SLC22A15: variants seen among roughly 807,000 people sequenced by gnomAD.
SLC22A15 encodes solute carrier family 22 member 15.
Under a neutral mutation model 62.7 loss-of-function variants are expected in SLC22A15, and 45 were observed. That is an observed-to-expected ratio of 0.72 (90% CI 0.56 to 0.92). The LOEUF (loss-of-function observed/expected upper bound fraction) is 0.92, where lower values mean the gene tolerates loss of function less well. SLC22A15 is among the 40% of genes least tolerant of loss of function. The probability of loss-of-function intolerance (pLI) is 0.00; values close to 1 mark genes in which losing one functional copy is unlikely to be tolerated. For synonymous variants in SLC22A15, 264 were observed against 267.0 expected (o/e 0.99, Z 0.11); for missense variants, 622 against 665.6 (o/e 0.93, Z 0.72).
chr1:116,003,161 A>G (rs1570712736), intron 2 of SLC22A15, among the ~76,000 whole-genome samples: 1 of 151,978 alleles, frequency 6.6e-6, no homozygotes, highest in East Asian at 2.0e-4. Flanking sequence ...GTTATGGCCT[A>G]GAATGGGTGC....
intron 5 of SLC22A15, among the ~76,000 whole-genome samples, chr1:116,029,109 A>G (rs781396082): frequency 2.6e-5 from 4 of 152,230 alleles, no homozygotes; most frequent in Non-Finnish European, 5.9e-5. Context: ...GTTTCCACAC[A>G]GTAGATCCTT....
At position 116,027,393 on chromosome 1, in the gene SLC22A15, T is replaced by C. The variant is rs114786262; in HGVS notation, c.728+371T>C. The C allele has an allele frequency of 9.3e-3, 4,789 of 516,056 alleles. 180 individuals are homozygous for C. The highest frequency in any genetic ancestry group is 0.084 in the African/African-American group (4,346 of 52,044). The allele number at this position is 516,056 out of a possible 1,614,324, so 32.0% of individuals were successfully genotyped here. A position where few individuals can be genotyped will look rare whatever the true frequency, so the allele number is the denominator to read the frequency against. On this transcript the variant is annotated intron_variant, in intron 5 of 11. Coordinates refer to ENST00000369503, the MANE Select transcript of SLC22A15 (RefSeq NM_018420.3). ...GATTTTGTAGAACAGTGTATTCATA[T>C]TGGATATGTAGTGACAACTGTTCAT... is the stretch of plus-strand genomic sequence containing the variant.
intron 4 of SLC22A15, among the ~76,000 whole-genome samples, chr1:116,025,939 G>T (rs1346883390): frequency 6.6e-6 from 1 of 152,134 alleles, no homozygotes; most frequent in African/African-American, 2.4e-5. Context: ...AAAGCGTAAG[G>T]TTCTTTACAA....
At chr1:115,999,297 T>A (rs1655590458) in intron 2 of SLC22A15, among the ~76,000 whole-genome samples, 1 of 152,218 alleles carries the variant, frequency 6.6e-6, no homozygotes, top group African/African-American at 2.4e-5. Context: ...TTATTTGATC[T>A]ATAATGCAGG....
intron 2 of SLC22A15, chr1:116,017,618 C>G (rs922806767): frequency 6.6e-6 from 1 of 152,138 alleles, no homozygotes; most frequent in African/African-American, 2.4e-5. Flanking sequence ...TCCAGTCTTA[C>G]AAGACTAGGA....
intron 2 of SLC22A15, among the ~76,000 whole-genome samples, chr1:115,997,745 T>G (rs1308901344): frequency 1.3e-5 from 2 of 151,996 alleles, no homozygotes; most frequent in African/African-American, 4.8e-5. Flanking sequence ...CAAACAAGGG[T>G]AATTTGACTT....
intron 1 of SLC22A15, among the ~76,000 whole-genome samples, chr1:115,988,484 T>C (rs192894197): frequency 6.6e-6 from 1 of 152,266 alleles, no homozygotes; most frequent in Admixed American, 6.5e-5. Flanking sequence ...ATCTTTGACT[T>C]TCTATGACCA....
intron 2 of SLC22A15, among the ~76,000 whole-genome samples, chr1:116,001,219 T>C (rs1422119751): frequency 6.6e-6 from 1 of 152,158 alleles, no homozygotes; most frequent in Admixed American, 6.5e-5. Context: ...CTCCTTTATA[T>C]GTAATTTTTT....
intron 7 of SLC22A15, among the ~76,000 whole-genome samples, chr1:116,036,384 T>G (rs1657628857): frequency 6.6e-6 from 1 of 152,124 alleles, no homozygotes; most frequent in Non-Finnish European, 1.5e-5. Flanking sequence ...TGAAAGGCCT[T>G]CCATATTGAC....
chr1:116,062,992 G>A (rs921795569), intron 9 of SLC22A15, 110 bp downstream of exon 9: 17 of 1,401,774 alleles, frequency 1.2e-5, no homozygotes, highest in Non-Finnish European at 1.5e-5. Flanking sequence ...TTAGTTTGGG[G>A]CAGCAGTAAT....
intron 4 of SLC22A15, among the ~76,000 whole-genome samples, chr1:116,022,675 A>T (rs2101347144): frequency 6.6e-6 from 1 of 152,332 alleles, no homozygotes; most frequent in South Asian, 2.1e-4. Context: ...CAGTGAAAAG[A>T]GTCCCCTTGG....
rs555177365 is a variant in SLC22A15 at position 116,056,623 on chromosome 1, G to C, written c.1172-6139G>C. ...GTCAATCCTAAGCCAAAAGAACAAAGCTGGAGGCATCACGCTACCTGACTT... is the reference window on the plus strand; with the variant it reads ...GTCAATCCTAAGCCAAAAGAACAAACCTGGAGGCATCACGCTACCTGACTT... On this transcript the variant is annotated intron_variant, in intron 8 of 11. Coordinates refer to ENST00000369503, the MANE Select transcript of SLC22A15 (RefSeq NM_018420.3). Among the ~76,000 whole-genome samples, 98 of 151,776 alleles carry C rather than the reference G, an allele frequency of 6.5e-4. 1 individual carries two copies. The highest frequency in any genetic ancestry group is 1.1e-3 in the Admixed American group (17 of 15,254).
intron 2 of SLC22A15, among the ~76,000 whole-genome samples, chr1:116,007,921 T>C (rs1656062626): frequency 6.6e-6 from 1 of 152,230 alleles, no homozygotes; most frequent in Admixed American, 6.5e-5. Context: ...TACTTTGCTG[T>C]TGTCATTGCA....
intron 8 of SLC22A15, among the ~76,000 whole-genome samples, chr1:116,051,778 C>G (rs1254774915): frequency 2.6e-5 from 4 of 152,198 alleles, no homozygotes; most frequent in African/African-American, 9.6e-5. Flanking sequence ...GAGGTCCACA[C>G]CGCGGTGATA....
rs1174499452 is a variant in SLC22A15, at chr1:116,066,518, A to G, written c.1366-2A>G. The G allele has an allele frequency of 5.7e-6, 9 of 1,588,922 alleles. No individual in the cohort carries two copies. The highest frequency in any genetic ancestry group is 7.7e-6 in the Non-Finnish European group (9 of 1,165,980). On this transcript the variant is annotated splice_acceptor_variant, in intron 10 of 11. Transcript: ENST00000369503. LOFTEE classifies it high-confidence loss of function. ...TTTTCATTCCACTCCCCGCCTCTGC[A>G]GAAATATGTGCAATGGTCTTTACCA...
intron 6 of SLC22A15, chr1:116,032,924 C>T (rs983098099): frequency 7.2e-5 from 11 of 152,168 alleles, no homozygotes; most frequent in African/African-American, 2.7e-4. Context: ...TTATTTTTTC[C>T]CCCATGTATA....
At chr1:115,997,451 T>A (rs1465710959) in intron 2 of SLC22A15, among the ~76,000 whole-genome samples, 3 of 152,172 alleles carry the variant, frequency 2.0e-5, no homozygotes, top group Non-Finnish European at 4.4e-5. Flanking sequence ...TATCTTGCCA[T>A]TTTTTTGTGT....
intron 1 of SLC22A15, 116 bp from the exon 2 acceptor site, chr1:115,991,915 C>T (rs1262133225): frequency 2.5e-6 from 2 of 807,868 alleles, no homozygotes; most frequent in East Asian, 2.7e-5. Flanking sequence ...ATATCTGTAG[C>T]TCATAAAAAT....
intron 2 of SLC22A15, among the ~76,000 whole-genome samples, chr1:116,000,406 T>C (rs1308031087): frequency 2.6e-5 from 4 of 152,116 alleles, no homozygotes; most frequent in Non-Finnish European, 4.4e-5. Flanking sequence ...ATCCCCTTGC[T>C]TTTTAACTTT....
Sources: allele counts gnomAD v4.1 joint callset (sites outside exome capture counted in the v4.1 genomes callset), GRCh38; gene constraint gnomAD v4.1.1; transcripts MANE v1.5; gene names NCBI Gene and HGNC (gene_info 2026-07-23, HGNC 2026-07-21).